The following DPYD variants were observed in gnomAD, a reference collection of about 807,000 sequenced individuals.
The protein encoded by DPYD is dihydropyrimidine dehydrogenase [NADP(+)].
DPYD carries 109 observed loss-of-function variants against 116.2 expected under a neutral mutation model. The observed-to-expected ratio is 0.94, with a 90% confidence interval of 0.80 to 1.10. DPYD has a LOEUF of 1.10. Ranked by LOEUF, DPYD falls within the 50% of genes least tolerant of loss-of-function variation. DPYD has a pLI of 0.00. For missense variants in DPYD, 1,302 were observed against 1,254.5 expected (o/e 1.04, Z -0.57); for synonymous variants, 440 against 432.0 (o/e 1.02, Z -0.23).
At chr1:97,547,278 A>C (rs550432585) in intron 12 of DPYD, among the ~76,000 whole-genome samples, 1 of 152,278 alleles carries the variant, frequency 6.6e-6, no homozygotes, top group African/African-American at 2.4e-5. Context: ...GAAAATAAAA[A>C]CAGGAAGATA....
At chr1:97,109,865 ATC>A (rs1651465131) in intron 20 of DPYD, among the ~76,000 whole-genome samples, 1 of 152,066 alleles carries the variant, frequency 6.6e-6, no homozygotes. Context: ...TATAAAAAAT[ATC>A]TTTCTAATAT....
At chr1:97,649,880 T>C (rs1420666584) in intron 8 of DPYD, among the ~76,000 whole-genome samples, 1 of 152,122 alleles carries the variant, frequency 6.6e-6, no homozygotes, top group African/African-American at 2.4e-5. Context: ...CCTGGATAGA[T>C]TAGAATTCAA....
In DPYD at chr1:97,203,335, C is replaced by T. The variant is rs369200344; in HGVS notation, c.2443-10087G>A. 1.0e-3 allele frequency among the ~76,000 whole-genome samples: 152 copies of T among 152,126 alleles called. 1 individual carries two copies. In the South Asian group the frequency reaches 0.031, roughly 31 times the overall value. On this transcript the variant is annotated intron_variant, in intron 19 of 22. Transcript: ENST00000370192. ...TTAATTTTAGGCAATCTTTCTTTTTCAACAGAGTCAACACAGCTGGGAAAA... is the reference window on the plus strand; with the variant it reads ...TTAATTTTAGGCAATCTTTCTTTTTTAACAGAGTCAACACAGCTGGGAAAA...
rs576152764 is a variant in DPYD, at chr1:97,600,877, C to T, written c.851-5711G>A. Among the ~76,000 whole-genome samples the T allele has an allele frequency of 5.9e-5, 9 of 152,212 alleles. No homozygotes were observed. In the East Asian group the frequency reaches 9.6e-4, roughly 16 times the overall value. ...ATTGGATAGGTAGTATCACAGTCCA[C>T]GAAACTTAGCATCTTTGGCTAAAAT... On this transcript the variant is annotated intron_variant, in intron 8 of 22. Coordinates refer to ENST00000370192, the MANE Select transcript of DPYD (RefSeq NM_000110.4).
intron 20 of DPYD, among the ~76,000 whole-genome samples, chr1:97,140,624 GAGA>G (rs1212428428): frequency 1.4e-4 from 21 of 152,152 alleles, no homozygotes; most frequent in Admixed American, 5.9e-4. Flanking sequence ...TGGAGAAGTG[GAGA>G]AGAAGGATGG....
intron 16 of DPYD, among the ~76,000 whole-genome samples, chr1:97,335,305 C>T (rs1009359747): frequency 5.3e-5 from 4 of 76,050 alleles, no homozygotes; most frequent in Admixed American, 3.8e-4. Flanking sequence ...TAAGTACACA[C>T]ACACACACAC....
intron 13 of DPYD, among the ~76,000 whole-genome samples, chr1:97,503,896 A>G (rs760535241): frequency 6.6e-6 from 1 of 152,076 alleles, no homozygotes; most frequent in Non-Finnish European, 1.5e-5. Flanking sequence ...CAATATGGAT[A>G]TTATTAATGC....
At chr1:97,096,692 G>T (rs769028823) in intron 21 of DPYD, among the ~76,000 whole-genome samples, 1 of 152,100 alleles carries the variant, frequency 6.6e-6, no homozygotes. Context: ...GGTCCTAAAA[G>T]TAGCCAATCA....
intron 16 of DPYD, among the ~76,000 whole-genome samples, chr1:97,312,970 T>C (rs1238379822): frequency 6.6e-6 from 1 of 151,786 alleles, no homozygotes; most frequent in Non-Finnish European, 1.5e-5. Context: ...GTAATGTGGG[T>C]TCTACCCTTT....
chr1:97,222,599 T>C (rs765608949), intron 19 of DPYD, among the ~76,000 whole-genome samples: 12 of 152,130 alleles, frequency 7.9e-5, no homozygotes, highest in Non-Finnish European at 1.5e-4. Context: ...AAATAACCTT[T>C]CATTAAAGTA....
chr1:97,561,808 T>C (rs955065623), intron 11 of DPYD, among the ~76,000 whole-genome samples: 7 of 152,316 alleles, frequency 4.6e-5, no homozygotes, highest in Admixed American at 2.6e-4. Flanking sequence ...ATAACTGGAA[T>C]GGGCTTTCAA....
chr1:97,920,866 C>T lies in DPYD; in HGVS notation c.39+18G>A. On this transcript the variant is annotated intron_variant, in intron 1 of 22. Coordinates refer to ENST00000370192, the MANE Select transcript of DPYD (RefSeq NM_000110.4). ...CCACCACCCCGCCACCACCGACGAG[C>T]CGGCGCGAAGTCCGTACCTCGATGT... 6.3e-7 allele frequency: 1 copy of T among 1,587,890 alleles called. No homozygotes were observed. Among genetic ancestry groups the T allele is most frequent in the Non-Finnish European group, 8.6e-7 (1 of 1,167,644 alleles).
At chr1:97,161,066 C>A (rs1254136207) in intron 20 of DPYD, among the ~76,000 whole-genome samples, 1 of 152,138 alleles carries the variant, frequency 6.6e-6, no homozygotes, top group Non-Finnish European at 1.5e-5. Flanking sequence ...ATCCTGCACA[C>A]ATATCTTGAA....
intron 5 of DPYD, among the ~76,000 whole-genome samples, chr1:97,717,004 C>T (rs573402260): frequency 6.6e-6 from 1 of 151,760 alleles, no homozygotes; most frequent in Non-Finnish European, 1.5e-5. Flanking sequence ...TTGATAGATG[C>T]ATACAATGTG....
chr1:97,178,872 C>T (rs945226727), intron 20 of DPYD, among the ~76,000 whole-genome samples: 2 of 152,190 alleles, frequency 1.3e-5, no homozygotes, highest in Non-Finnish European at 2.9e-5. Context: ...TGTGCTAATA[C>T]GTGGTATCTG....
chr1:97,617,127 C>A (rs996766228), intron 8 of DPYD, among the ~76,000 whole-genome samples: 1 of 152,122 alleles, frequency 6.6e-6, no homozygotes, highest in Non-Finnish European at 1.5e-5. Flanking sequence ...TGTAAATGAT[C>A]CAAGGATCTA....
At chr1:97,618,649 A>T (rs1656446816) in intron 8 of DPYD, among the ~76,000 whole-genome samples, 1 of 152,188 alleles carries the variant, frequency 6.6e-6, no homozygotes, top group Non-Finnish European at 1.5e-5. Context: ...GCGCCAGTCT[A>T]TGGCTACACA....
chr1:97,105,346 A>G (rs1651059675), intron 20 of DPYD, among the ~76,000 whole-genome samples: 1 of 152,082 alleles, frequency 6.6e-6, no homozygotes, highest in Non-Finnish European at 1.5e-5. Context: ...GCCTGTTGGT[A>G]TGAGGCTGAA....
chr1:97,491,101 TTAATATA>T (rs1399357054), intron 13 of DPYD, among the ~76,000 whole-genome samples: 1 of 147,694 alleles, frequency 6.8e-6, no homozygotes, highest in Non-Finnish European at 1.5e-5. Context: ...TAAAAATTTG[TTAATATA>T]TAATATATTA....
Sources: allele counts gnomAD v4.1 joint callset (sites outside exome capture counted in the v4.1 genomes callset), GRCh38; gene constraint gnomAD v4.1.1; transcripts MANE v1.5; gene names NCBI Gene and HGNC (gene_info 2026-07-23, HGNC 2026-07-21).